The following SPHKAP variants were observed in gnomAD, a reference collection of about 807,000 sequenced individuals.
The protein encoded by SPHKAP is A-kinase anchor protein SPHKAP.
In SPHKAP, 67 loss-of-function variants were observed where a neutral mutation model predicts 137.5. That is an observed-to-expected ratio of 0.49 (90% CI 0.40 to 0.60). SPHKAP has a LOEUF of 0.60. SPHKAP is among the 20% of genes least tolerant of loss of function. SPHKAP has a pLI of 0.00. For synonymous variants in SPHKAP, 813 were observed against 785.3 expected, an observed-to-expected ratio of 1.04 and a Z score of -0.59; for missense variants, 2,097 against 2,069.3, an observed-to-expected ratio of 1.01 and a Z score of -0.26.
intron 11 of SPHKAP, among the ~76,000 whole-genome samples, chr2:227,988,467 C>G (rs74695917): frequency 0.017 from 2,609 of 152,268 alleles, 34 homozygotes; most frequent in Middle Eastern, 0.054. Context: ...TCGGGATAAA[C>G]AAATACCAAG....
chr2:228,071,911 G>C (rs536863418), intron 3 of SPHKAP, among the ~76,000 whole-genome samples: 46 of 152,212 alleles, frequency 3.0e-4, no homozygotes, highest in African/African-American at 1.1e-3. Flanking sequence ...CCAGATAGCT[G>C]GTTAAACATT....
At chr2:228,052,286 T>C (rs1325084430) in intron 3 of SPHKAP, among the ~76,000 whole-genome samples, 1 of 151,778 alleles carries the variant, frequency 6.6e-6, no homozygotes, top group Non-Finnish European at 1.5e-5. Flanking sequence ...GTTAGAACAT[T>C]GGAAATAGAG....
intron 3 of SPHKAP, among the ~76,000 whole-genome samples, chr2:228,092,477 G>GCAAA (rs1697820212): frequency 2.6e-4 from 2 of 7,686 alleles, no homozygotes; most frequent in Non-Finnish European, 4.8e-4. Context: ...CCATATATAT[G>GCAAA]TATACATATA....
At chr2:228,057,773 A>G (rs960884849) in intron 3 of SPHKAP, among the ~76,000 whole-genome samples, 3 of 152,144 alleles carry the variant, frequency 2.0e-5, no homozygotes, top group Non-Finnish European at 2.9e-5. Flanking sequence ...AGTGGGATGA[A>G]CAGGTTTCAG....
In SPHKAP at chr2:228,017,567, T is replaced by A. The variant is rs903048236; in HGVS notation, c.3287A>T (p.Tyr1096Phe). 9.3e-6 allele frequency: 15 copies of A among 1,613,588 alleles called. No individual in the cohort carries two copies. Among genetic ancestry groups the A allele is most frequent in the Non-Finnish European group, 5.1e-6 (6 of 1,180,008 alleles). Residue 1096 changes from tyrosine to phenylalanine, a missense_variant, in exon 7 of 12, where the codon TAT (tyrosine) becomes TTT (phenylalanine). Coordinates refer to ENST00000392056, the MANE Select transcript of SPHKAP (RefSeq NM_001142644.2). ...IPEEDSEARA[Y>F]VNSLGLMSTL... ...GCTCATTAAGCCCAGGCTGTTGACA[T>A]AGGCCCTGGCCTCGGAGTCTTCCTC...
chr2:228,081,824 G>A (rs1487042518), intron 3 of SPHKAP, among the ~76,000 whole-genome samples: 1 of 152,038 alleles, frequency 6.6e-6, no homozygotes. Context: ...TTGGTCAAAG[G>A]ACACAAAATT....
At chr2:228,052,561 T>A (rs2106274780) in intron 3 of SPHKAP, among the ~76,000 whole-genome samples, 1 of 152,282 alleles carries the variant, frequency 6.6e-6, no homozygotes, top group East Asian at 1.9e-4. Context: ...TAAAATAATT[T>A]TTTTTGCAAC....
chr2:228,141,715 C>T (rs552579453), intron 1 of SPHKAP, among the ~76,000 whole-genome samples: 11 of 152,082 alleles, frequency 7.2e-5, no homozygotes, highest in South Asian at 2.1e-4. Context: ...CCTGTTCATG[C>T]GTACAATTTT....
At chr2:228,175,176 C>T (rs76017911) in intron 1 of SPHKAP, among the ~76,000 whole-genome samples, 11,608 of 148,444 alleles carry the variant, frequency 0.078, 570 homozygotes, top group Non-Finnish European at 0.12. Context: ...AATTTTTTTT[C>T]GGAATTAATA....
At chr2:228,173,914 A>C (rs1288673461) in intron 1 of SPHKAP, among the ~76,000 whole-genome samples, 1 of 152,232 alleles carries the variant, frequency 6.6e-6, no homozygotes, top group Non-Finnish European at 1.5e-5. Context: ...ATATGTAGTT[A>C]AAAGGAATAA....
intron 1 of SPHKAP, among the ~76,000 whole-genome samples, chr2:228,140,533 A>G (rs1454782788): frequency 6.6e-6 from 1 of 152,146 alleles, no homozygotes; most frequent in Non-Finnish European, 1.5e-5. Flanking sequence ...TGTGCTTTAC[A>G]TACTAATTTC....
chr2:228,150,587 T>C (rs1468455044), intron 1 of SPHKAP, among the ~76,000 whole-genome samples: 1 of 152,098 alleles, frequency 6.6e-6, no homozygotes, highest in Non-Finnish European at 1.5e-5. Context: ...ATATTATTGA[T>C]AATACTTTTG....
At chr2:228,166,524 A>C (rs1383214089) in intron 1 of SPHKAP, among the ~76,000 whole-genome samples, 5 of 151,928 alleles carry the variant, frequency 3.3e-5, no homozygotes, top group Non-Finnish European at 7.4e-5. Context: ...TTTTTTGCCC[A>C]CTCTCAATCA....
chr2:227,990,952 T>C (rs995851429), intron 11 of SPHKAP, 48 bp downstream of exon 11: 1 of 1,580,736 alleles, frequency 6.3e-7, no homozygotes, highest in Non-Finnish European at 8.7e-7. Context: ...TTTCCAGTGG[T>C]GATGAAAACA....
chr2:228,104,411 C>G (rs1049542496), intron 3 of SPHKAP, among the ~76,000 whole-genome samples: 21 of 132,208 alleles, frequency 1.6e-4, no homozygotes, highest in Admixed American at 7.8e-4. Context: ...TCAAATTATT[C>G]AAATATAATA....
intron 1 of SPHKAP, among the ~76,000 whole-genome samples, chr2:228,172,433 T>C (rs947423966): frequency 6.6e-6 from 1 of 152,188 alleles, no homozygotes; most frequent in African/African-American, 2.4e-5. Context: ...TGAGACTCAT[T>C]TCTCCCTTCT....
chr2:228,045,357 A>G (rs1009069372), intron 3 of SPHKAP, among the ~76,000 whole-genome samples: 1 of 133,420 alleles, frequency 7.5e-6, no homozygotes, highest in Non-Finnish European at 1.6e-5. Flanking sequence ...ACAAATGTCC[A>G]ACAATGATAG....
At chr2:228,070,395 G>T (rs906658705) in intron 3 of SPHKAP, among the ~76,000 whole-genome samples, 1 of 152,150 alleles carries the variant, frequency 6.6e-6, no homozygotes, top group African/African-American at 2.4e-5. Flanking sequence ...GGCATAGTTG[G>T]TGTAACTTTG....
chr2:228,088,230 T>C (rs1697602920), intron 3 of SPHKAP, among the ~76,000 whole-genome samples: 1 of 152,182 alleles, frequency 6.6e-6, no homozygotes, highest in Admixed American at 6.5e-5. Flanking sequence ...CATAAAATTA[T>C]AATAATGTAC....
Sources: gnomAD v4.1 joint callset for allele counts (sites outside exome capture counted in the v4.1 genomes callset) on GRCh38, gnomAD v4.1.1 for gene constraint, MANE v1.5 for transcripts, NCBI Gene and HGNC (gene_info 2026-07-23, HGNC 2026-07-21) for gene names.